Variants in CELF4 observed in about 807,000 individuals in gnomAD.
The protein encoded by CELF4 is CUGBP Elav-like family member 4, also known as CUG-BP- and ETR-3-like factor 4.
CELF4 carries 18 observed loss-of-function variants against 59.9 expected under a neutral mutation model. The ratio of observed to expected loss-of-function variants is 0.30; its 90% CI spans 0.21 to 0.45. The LOEUF is 0.45. CELF4 is among the 20% of genes least tolerant of loss of function. The pLI is 1.00. For missense variants in CELF4, 456 were observed against 689.0 expected (o/e 0.66, Z 3.79); for synonymous variants, 261 against 267.1 (o/e 0.98, Z 0.22).
intron 2 of CELF4, among the ~76,000 whole-genome samples, chr18:37,370,194 T>A (rs980607406): frequency 2.6e-5 from 4 of 152,162 alleles, no homozygotes; most frequent in Non-Finnish European, 5.9e-5. Context: ...CTGGCCTTAG[T>A]GTCCTTTTAT....
intron 3 of CELF4, among the ~76,000 whole-genome samples, chr18:37,318,798 T>C (rs941879897): frequency 6.6e-6 from 1 of 152,086 alleles, no homozygotes; most frequent in Non-Finnish European, 1.5e-5. Flanking sequence ...AGGTTTGAGT[T>C]AGAGCCCAGC....
At chr18:37,332,402 C>T (rs2097575427) in intron 2 of CELF4, among the ~76,000 whole-genome samples, 1 of 152,178 alleles carries the variant, frequency 6.6e-6, no homozygotes, top group African/African-American at 2.4e-5. Flanking sequence ...CAACAGGCAG[C>T]TCTGCTCAGC....
intron 1 of CELF4, among the ~76,000 whole-genome samples, chr18:37,553,377 C>T (rs566880767): frequency 3.0e-4 from 46 of 152,102 alleles, no homozygotes; most frequent in Non-Finnish European, 6.2e-4. Flanking sequence ...TTTCATCACA[C>T]GTAGCATATG....
rs577428723 is a variant in CELF4, at chr18:37,403,234, C to T, written c.370-81353G>A. 2.0e-5 allele frequency among the ~76,000 whole-genome samples: 3 copies of T among 152,230 alleles called. No homozygotes were observed. In the South Asian group the frequency reaches 6.2e-4, roughly 32 times the overall value. ...CACAGTCCCGGGACAGCACATAATT[C>T]GGGCCTGAGTCAGCAAGTTTCGCCT... On this transcript the variant is annotated intron_variant, in intron 2 of 12. Transcript: ENST00000420428.
At chr18:37,423,064 G>GCGCGCA (rs1557422716) in intron 2 of CELF4, among the ~76,000 whole-genome samples, 30 of 150,524 alleles carry the variant, frequency 2.0e-4, no homozygotes, top group African/African-American at 7.3e-4. Context: ...GCGCGCGCGC[G>GCGCGCA]CACACACACA....
chr18:37,266,204 C>T, intron 9 of CELF4: 1 of 478,498 alleles, frequency 2.1e-6, no homozygotes. Flanking sequence ...GGTGTCAGAC[C>T]TGGTGCTCCT....
At chr18:37,407,629 A>C (rs1196745153) in intron 2 of CELF4, among the ~76,000 whole-genome samples, 1 of 151,966 alleles carries the variant, frequency 6.6e-6, no homozygotes, top group Non-Finnish European at 1.5e-5. Context: ...ACACACATAC[A>C]TACAAACGCA....
intron 3 of CELF4, among the ~76,000 whole-genome samples, chr18:37,295,202 C>T (rs936679622): frequency 6.6e-6 from 1 of 152,190 alleles, no homozygotes; most frequent in Non-Finnish European, 1.5e-5. Flanking sequence ...CAGATCCCTG[C>T]CCCTGCCCGA....
chr18:37,527,671 A>G (rs565875250), intron 1 of CELF4, among the ~76,000 whole-genome samples: 1 of 152,296 alleles, frequency 6.6e-6, no homozygotes, highest in Admixed American at 6.5e-5. Context: ...GAGAGAATGC[A>G]GGCTGGCTTT....
intron 1 of CELF4, among the ~76,000 whole-genome samples, chr18:37,538,528 G>A (rs774880110): frequency 5.5e-4 from 84 of 152,184 alleles, no homozygotes; most frequent in African/African-American, 1.5e-3. Context: ...CACCCACAAC[G>A]CTGTCTTTAC....
chr18:37,424,708 A>G (rs566387446), intron 2 of CELF4, among the ~76,000 whole-genome samples: 34 of 152,186 alleles, frequency 2.2e-4, no homozygotes, highest in African/African-American at 8.2e-4. Flanking sequence ...CAGGTTCCCC[A>G]GCTACGTGGT....
intron 3 of CELF4, among the ~76,000 whole-genome samples, chr18:37,300,207 ATC>A (rs2095917902): frequency 2.0e-5 from 2 of 98,404 alleles, no homozygotes; most frequent in African/African-American, 8.7e-5. Flanking sequence ...GTTGCATGTG[ATC>A]TGATCCCATG....
At chr18:37,251,071 C>T (rs1354473888) in intron 12 of CELF4, among the ~76,000 whole-genome samples, 2 of 152,132 alleles carry the variant, frequency 1.3e-5, no homozygotes, top group Admixed American at 6.5e-5. Flanking sequence ...GGCTCCCTGG[C>T]TTCAAAGCTT....
intron 2 of CELF4, among the ~76,000 whole-genome samples, chr18:37,425,168 A>C (rs529350139): frequency 1.3e-4 from 20 of 152,384 alleles, no homozygotes; most frequent in African/African-American, 4.6e-4. Context: ...CTGTTCTGCC[A>C]GGCCCAGGAC....
At chr18:37,418,398 C>G (rs149746179) in intron 2 of CELF4, among the ~76,000 whole-genome samples, 260 of 152,344 alleles carry the variant, frequency 1.7e-3, no homozygotes, top group African/African-American at 5.9e-3. Context: ...TGGCTCTGCT[C>G]TCTCTTCTCA....
intron 2 of CELF4, among the ~76,000 whole-genome samples, chr18:37,415,854 A>T (rs1197014764): frequency 6.6e-6 from 1 of 152,224 alleles, no homozygotes; most frequent in African/African-American, 2.4e-5. Context: ...GAACACATTC[A>T]TTATCTTATT....
In CELF4 at chr18:37,321,789, A is replaced by C. The variant is rs772953996; in HGVS notation, c.448+14T>G. 6.3e-7 allele frequency: 1 copy of C among 1,595,626 alleles called. No homozygotes were observed. The highest frequency in any genetic ancestry group is 8.6e-7 in the Non-Finnish European group (1 of 1,166,072). On this transcript the variant is annotated intron_variant, in intron 3 of 12. Transcript: ENST00000420428. ...GAGGGGGAGGGGGAGGGGCAGAGAC[A>C]AGTGGGCCCTCACGTGAAGGGGGCT...
intron 1 of CELF4, 22 bp from the exon 2 acceptor site, chr18:37,485,629 A>G (rs372154646): frequency 2.1e-6 from 3 of 1,404,290 alleles, no homozygotes; most frequent in African/African-American, 3.0e-5. Context: ...AGCAAGCGCC[A>G]AGAAGGGTCA....
intron 2 of CELF4, among the ~76,000 whole-genome samples, chr18:37,446,202 C>T (rs949384767): frequency 7.9e-5 from 12 of 152,196 alleles, no homozygotes; most frequent in Admixed American, 7.9e-4. Flanking sequence ...GGTCTGCAGA[C>T]TGCATAAATG....
Sources: gnomAD v4.1 joint callset for allele counts (sites outside exome capture counted in the v4.1 genomes callset) on GRCh38, gnomAD v4.1.1 for gene constraint, MANE v1.5 for transcripts, NCBI Gene and HGNC (gene_info 2026-07-23, HGNC 2026-07-21) for gene names.